The following PPA2 variants were observed in gnomAD, a reference collection of about 807,000 sequenced individuals.
PPA2 encodes inorganic pyrophosphatase 2.
In PPA2, 48 loss-of-function variants were observed where a neutral mutation model predicts 49.5. The ratio of observed to expected loss-of-function variants is 0.97; its 90% CI spans 0.77 to 1.23. PPA2 has a LOEUF of 1.23. Among genes scored for constraint, PPA2 ranks in the 50% most tolerant of loss-of-function variants. The pLI, the probability that PPA2 is intolerant of heterozygous loss-of-function variation, is 0.00. For synonymous variants in PPA2, 131 were observed against 139.9 expected (o/e 0.94, Z 0.45); for missense variants, 429 against 410.1 (o/e 1.05, Z -0.40).
At chr4:105,435,223 T>C (rs541493064) in intron 6 of PPA2, among the ~76,000 whole-genome samples, 1 of 152,330 alleles carries the variant, frequency 6.6e-6, no homozygotes, top group African/African-American at 2.4e-5. Flanking sequence ...AGCATACCCC[T>C]AACCGAGAAC....
intron 2 of PPA2, among the ~76,000 whole-genome samples, chr4:105,455,093 T>C (rs772708200): frequency 6.6e-6 from 1 of 152,208 alleles, no homozygotes. Flanking sequence ...ACTCCTCCAA[T>C]TGAGTGGACT....
At chr4:105,419,905 A>G (rs1272629854) in intron 7 of PPA2, among the ~76,000 whole-genome samples, 2 of 152,188 alleles carry the variant, frequency 1.3e-5, no homozygotes, top group East Asian at 1.9e-4. Flanking sequence ...TTCATTTTCA[A>G]AAAAGAAAAA....
chr4:105,431,717 A>G (rs1225350870), intron 6 of PPA2, among the ~76,000 whole-genome samples: 2 of 152,218 alleles, frequency 1.3e-5, no homozygotes, highest in Non-Finnish European at 2.9e-5. Context: ...GTAAAAGGTA[A>G]TATTATCCAT....
At chr4:105,392,278 A>C (rs937909592) in intron 9 of PPA2, among the ~76,000 whole-genome samples, 12 of 152,132 alleles carry the variant, frequency 7.9e-5, no homozygotes, top group Non-Finnish European at 1.3e-4. Flanking sequence ...AACAACAAAA[A>C]AAAAAACTTC....
intron 5 of PPA2, 97 bp downstream of exon 5, chr4:105,446,286 T>A (rs945551103): frequency 7.9e-7 from 1 of 1,264,750 alleles, no homozygotes; most frequent in Non-Finnish European, 1.1e-6. Flanking sequence ...CCAAATGACA[T>A]GTCCTCAGAA....
chr4:105,432,391 G>A (rs1723849693), intron 6 of PPA2, among the ~76,000 whole-genome samples: 1 of 152,146 alleles, frequency 6.6e-6, no homozygotes, highest in Non-Finnish European at 1.5e-5. Flanking sequence ...CAAACTTTAT[G>A]CAGAAAAACT....
At chr4:105,405,062 G>A (rs920511650) in intron 7 of PPA2, 4 of 349,706 alleles carry the variant, frequency 1.1e-5, no homozygotes, top group South Asian at 1.2e-4. Flanking sequence ...CAGCCTGGGC[G>A]ACAGAGTGAG....
chr4:105,433,372 T>C (rs1723903876), intron 6 of PPA2, among the ~76,000 whole-genome samples: 1 of 152,228 alleles, frequency 6.6e-6, no homozygotes, highest in African/African-American at 2.4e-5. Context: ...TCATCTTCCT[T>C]AGTCTCCAAA....
chr4:105,446,410 A>G lies in PPA2; in HGVS notation c.414T>C (p.Tyr138=). The change falls in exon 5 of 12, where the codon TAT becomes TAC. Residue 138 remains tyrosine, a synonymous_variant. Transcript: ENST00000341695. ...YVANIFPYKG[Y]IWNYGTLPQT... is the part of the protein sequence containing the mutation. ...GAGGGAGGGTACCATAATTCCATAT[A>G]TAACCCTTGTAAGGGAAGATATTCG... 1 of 1,601,618 alleles carries G rather than the reference A, an allele frequency of 6.2e-7. No individual in the cohort carries two copies. The highest frequency in any genetic ancestry group is 8.5e-7 in the Non-Finnish European group (1 of 1,174,808).
chr4:105,407,065 G>A (rs1013652147), intron 7 of PPA2: 1 of 149,566 alleles, frequency 6.7e-6, no homozygotes, highest in African/African-American at 2.5e-5. Flanking sequence ...AGGATGACAT[G>A]CAAATTCGTG....
intron 10 of PPA2, among the ~76,000 whole-genome samples, chr4:105,375,003 T>TA (rs2110360858): frequency 6.6e-6 from 1 of 152,178 alleles, no homozygotes; most frequent in African/African-American, 2.4e-5. Flanking sequence ...GACATTGTCT[T>TA]TCTGCATTGT....
chr4:105,470,526 AAAC>A (rs763741702), intron 1 of PPA2, among the ~76,000 whole-genome samples: 51 of 152,348 alleles, frequency 3.3e-4, no homozygotes, highest in Non-Finnish European at 5.9e-4. Flanking sequence ...TAAAATGAAT[AAAC>A]AACAACAACA....
chr4:105,467,328 G>C (rs572729214), intron 1 of PPA2, among the ~76,000 whole-genome samples: 1 of 152,346 alleles, frequency 6.6e-6, no homozygotes, highest in Admixed American at 6.5e-5. Flanking sequence ...GGCATAAAAA[G>C]CACAGGTGTG....
Position 105,396,287 on chromosome 4 carries a change from T to A in PPA2, c.831A>T (p.Ala277=). ...VIKSTHQCWK[A]LLMKKCNGGA... is the part of the protein sequence containing the mutation. ...CTCCATTACACTTCTTCATAAGCAA[T>A]GCTTTCCAACATTGATGAGTGGATT... Residue 277 remains alanine (A), a synonymous_variant, in exon 9 of 12, where the codon GCA becomes GCT. Transcript: ENST00000341695. The A allele has an allele frequency of 6.3e-7, 1 of 1,598,888 alleles. No individual in the cohort carries two copies. Among genetic ancestry groups the A allele is most frequent in the Middle Eastern group, 1.7e-4 (1 of 5,856 alleles).
intron 1 of PPA2, among the ~76,000 whole-genome samples, chr4:105,468,003 C>A (rs959973393): frequency 6.6e-6 from 1 of 152,190 alleles, no homozygotes; most frequent in African/African-American, 2.4e-5. Flanking sequence ...CACTATGGGA[C>A]CTGATGGGAT....
chr4:105,469,293 G>A (rs146367686), intron 1 of PPA2, among the ~76,000 whole-genome samples: 1 of 152,272 alleles, frequency 6.6e-6, no homozygotes, highest in Non-Finnish European at 1.5e-5. Context: ...CCAAACAGTG[G>A]TCAAAATTCT....
intron 9 of PPA2, 140 bp from the exon 10 acceptor site, chr4:105,386,776 A>C (rs1433052651): frequency 1.2e-5 from 8 of 658,996 alleles, no homozygotes; most frequent in Non-Finnish European, 2.0e-5. Flanking sequence ...AATAAAAATT[A>C]AGACAATGAA....
intron 2 of PPA2, among the ~76,000 whole-genome samples, chr4:105,455,916 C>A (rs1296010133): frequency 1.3e-5 from 2 of 152,176 alleles, no homozygotes; most frequent in Non-Finnish European, 2.9e-5. Context: ...AATAGTTGTA[C>A]CCCCTTAAAA....
chr4:105,375,676 T>C (rs1329274164), intron 10 of PPA2, among the ~76,000 whole-genome samples: 1 of 152,152 alleles, frequency 6.6e-6, no homozygotes, highest in African/African-American at 2.4e-5. Context: ...AGATTAGTTC[T>C]GAGCTGACTC....
Sources: allele counts gnomAD v4.1 joint callset (sites outside exome capture counted in the v4.1 genomes callset), GRCh38; gene constraint gnomAD v4.1.1; transcripts MANE v1.5; gene names NCBI Gene and HGNC (gene_info 2026-07-23, HGNC 2026-07-21).